TMBIM1: variants seen among roughly 807,000 people sequenced by gnomAD.
TMBIM1 encodes the protein protein lifeguard 3.
A neutral mutation model predicts 45.1 loss-of-function variants in TMBIM1; 34 were observed. That is an observed-to-expected ratio of 0.75 (90% CI 0.57 to 1.00). The LOEUF (loss-of-function observed/expected upper bound fraction) is 1.00, where lower values mean the gene tolerates loss of function less well. Ranked by LOEUF, TMBIM1 falls within the 50% of genes least tolerant of loss-of-function variation. The probability of loss-of-function intolerance (pLI) is 0.00; values close to 1 mark genes in which losing one functional copy is unlikely to be tolerated. For synonymous variants in TMBIM1, 157 were observed against 153.5 expected, an observed-to-expected ratio of 1.02 and a Z score of -0.17; for missense variants, 374 against 402.4, an observed-to-expected ratio of 0.93 and a Z score of 0.60.
intron 1 of TMBIM1, chr2:218,287,181 G>A (rs1692589472): frequency 6.6e-6 from 1 of 152,146 alleles, no homozygotes; most frequent in Non-Finnish European, 1.5e-5. Flanking sequence ...TAAAATATCA[G>A]AGCTGGCTTA....
intron 4 of TMBIM1, 67 bp downstream of exon 4, chr2:218,279,222 A>C (rs113859978): frequency 8.4e-6 from 13 of 1,556,016 alleles, no homozygotes; most frequent in African/African-American, 4.1e-5. Flanking sequence ...ACCGCCACCC[A>C]CACCCCCAGC....
rs746952375 is a variant in TMBIM1 at position 218,275,516 on chromosome 2, T to C, written c.895A>G (p.Ile299Val). Residue 299 changes from isoleucine to valine, a missense_variant, in exon 12 of 12, where the codon ATC becomes GTC. By Grantham distance (29) the Ile-to-Val change is conservative. Coordinates refer to ENST00000258412, the MANE Select transcript of TMBIM1 (RefSeq NM_022152.6). ...ATCAGCTGCAGCACAAAGGTGAAGA[T>C]GTAGATGATGTCTGTGTAAATCTGC... is the stretch of plus-strand genomic sequence containing the variant. ...ALQIYTDIIY[I>V]FTFVLQLMGD... is the part of the protein sequence containing the mutation. 6.2e-7 allele frequency: 1 copy of C among 1,614,110 alleles called. No individual in the cohort carries two copies. Among genetic ancestry groups the C allele is most frequent in the South Asian group, 1.1e-5 (1 of 91,074 alleles).
In TMBIM1 at chr2:218,277,085, C is replaced by A; in HGVS notation, c.654G>T (p.Ser218=). 1.9e-6 allele frequency: 3 copies of A among 1,614,104 alleles called. No individual in the cohort carries two copies. Among genetic ancestry groups the A allele is most frequent in the Non-Finnish European group, 2.5e-6 (3 of 1,180,002 alleles). Residue 218 remains serine, a synonymous_variant, in exon 10 of 12, where the codon TCG becomes TCT. Transcript: ENST00000258412. The stretch of plus-strand genomic sequence containing the variant: ...CCAGGACACAGAAGAGGCCTGTGCA[C>A]GAGGTGAAGTCCACCTGCCAGGAAG... ...FCFQTKVDFT[S]CTGLFCVLGI... is the part of the protein sequence containing the mutation.
chr2:218,278,822 C>T (rs539709794), intron 5 of TMBIM1, among the ~76,000 whole-genome samples: 54 of 152,336 alleles, frequency 3.5e-4, no homozygotes, highest in African/African-American at 1.0e-3. Context: ...GCAGCGTGCA[C>T]GCCACCACCA....
chr2:218,276,564 C>T (rs1691232265), intron 10 of TMBIM1, among the ~76,000 whole-genome samples: 1 of 152,198 alleles, frequency 6.6e-6, no homozygotes, highest in African/African-American at 2.4e-5. Flanking sequence ...GGCAGGCAGC[C>T]CTCGTGTCCC....
rs772811571 is a variant in TMBIM1, at chr2:218,277,926, T to A, written c.513+9A>T. On this transcript the variant is annotated intron_variant, in intron 7 of 11. Transcript: ENST00000258412. ...TCTCCACACCCTCCTGCCACCCTTCTAGACTTACAAAAAGGGTCAGCAGAA... is the reference window on the plus strand; with the variant it reads ...TCTCCACACCCTCCTGCCACCCTTCAAGACTTACAAAAAGGGTCAGCAGAA... 1 of 1,614,140 alleles carries A rather than the reference T, an allele frequency of 6.2e-7. No individual in the cohort carries two copies. Among genetic ancestry groups the A allele is most frequent in the South Asian group, 1.1e-5 (1 of 91,070 alleles).
Position 218,292,185 on chromosome 2 carries a change from ACCCTGGCTCCGCTCACCAGTG to A in TMBIM1, c.-41+260_-41+280del, listed in dbSNP as rs1331126487. ...AGAGGGAACACGAGGACACCCCCAG[ACCCTGGCTCCGCTCACCAGTG>A]CCCACAACACGCTGCTGGGCTCCCA... is the stretch of plus-strand genomic sequence containing the variant. On this transcript the variant is annotated intron_variant, in intron 1 of 11. Coordinates refer to ENST00000258412, the MANE Select transcript of TMBIM1 (RefSeq NM_022152.6). Among the ~76,000 whole-genome samples the A allele has an allele frequency of 2.0e-5, 3 of 152,206 alleles. No individual in the cohort carries two copies. In the East Asian group the frequency reaches 5.8e-4, roughly 29 times the overall value.
At chr2:218,282,771 G>A (rs997039027) in intron 1 of TMBIM1, among the ~76,000 whole-genome samples, 8 of 152,218 alleles carry the variant, frequency 5.3e-5, no homozygotes, top group Middle Eastern at 3.2e-3. Flanking sequence ...CCAGGGACCC[G>A]GGGGCCAGTG....
intron 1 of TMBIM1, among the ~76,000 whole-genome samples, chr2:218,287,492 G>C (rs963862082): frequency 6.6e-6 from 1 of 152,074 alleles, no homozygotes; most frequent in Admixed American, 6.5e-5. Context: ...GGTGGATCAC[G>C]AGGTCAGGAG....
At chr2:218,281,614 C>T (rs1410353127) in intron 2 of TMBIM1, among the ~76,000 whole-genome samples, 1 of 152,174 alleles carries the variant, frequency 6.6e-6, no homozygotes, top group African/African-American at 2.4e-5. Flanking sequence ...GCTTGTTGGC[C>T]GCTTGTTGGG....
Position 218,275,303 on chromosome 2 carries a change from G to A in TMBIM1, c.*172C>T. ...TCCCTAGCTCCTCCGTCCCCACCAA[G>A]TACCCACACATCCATAGCCAGAGAG... On this transcript the variant is annotated 3_prime_UTR_variant, in exon 12 of 12. Transcript: ENST00000258412. 2 of 787,424 alleles carry A rather than the reference G, an allele frequency of 2.5e-6. No individual in the cohort carries two copies. The highest frequency in any genetic ancestry group is 1.9e-6 in the Non-Finnish European group (1 of 539,376). The allele number at this position is 787,424 out of a possible 1,614,324, so 48.8% of individuals were successfully genotyped here. A position where few individuals can be genotyped will look rare whatever the true frequency, so the allele number is the denominator to read the frequency against.
Position 218,282,185 on chromosome 2 carries a change from A to C in TMBIM1, c.-40-4T>G. The C allele has an allele frequency of 7.1e-7, 1 of 1,405,986 alleles. No individual in the cohort carries two copies. The allele number at this position is 1,405,986 out of a possible 1,614,324, so 87.1% of individuals were successfully genotyped here. A position where few individuals can be genotyped will look rare whatever the true frequency, so the allele number is the denominator to read the frequency against. On this transcript the variant is annotated splice_region_variant and splice_polypyrimidine_tract_variant and intron_variant, in intron 1 of 11. Coordinates refer to ENST00000258412, the MANE Select transcript of TMBIM1 (RefSeq NM_022152.6). Reference sequence around the variant, plus strand: ...GGGGAACCCCAGCTGCTGGGACCTGAAATGGGAGAGGAGAAAAGCAATCGT... The same window carrying C: ...GGGGAACCCCAGCTGCTGGGACCTGCAATGGGAGAGGAGAAAAGCAATCGT...
chr2:218,291,353 C>T (rs374446639), intron 1 of TMBIM1, among the ~76,000 whole-genome samples: 197 of 152,272 alleles, frequency 1.3e-3, no homozygotes, highest in Middle Eastern at 0.01. Context: ...TCCCCCTTTG[C>T]GCCAATAAAG....
chr2:218,288,553 A>C (rs1692709290), intron 1 of TMBIM1, among the ~76,000 whole-genome samples: 1 of 152,180 alleles, frequency 6.6e-6, no homozygotes, highest in African/African-American at 2.4e-5. Flanking sequence ...CAAAATCCAA[A>C]ATGCTCCACA....
intron 1 of TMBIM1, among the ~76,000 whole-genome samples, chr2:218,287,466 T>C (rs1031057214): frequency 1.3e-5 from 2 of 152,020 alleles, no homozygotes; most frequent in Non-Finnish European, 2.9e-5. Context: ...TCCCAGCACT[T>C]TGGGAGGCCG....
intron 2 of TMBIM1, chr2:218,280,520 T>C: frequency 3.8e-6 from 1 of 264,708 alleles, no homozygotes; most frequent in South Asian, 3.9e-5. Flanking sequence ...AGAGCGCAGT[T>C]TGTGCAGCAG....
intron 9 of TMBIM1, 31 bp downstream of exon 9, chr2:218,277,335 G>A (rs763639182): frequency 7.5e-6 from 12 of 1,598,768 alleles, no homozygotes; most frequent in Non-Finnish European, 1.0e-5. Context: ...GGGGAGTCGG[G>A]GGGCCAGGGA....
At chr2:218,281,505 C>CT (rs1365395184) in intron 2 of TMBIM1, among the ~76,000 whole-genome samples, 1 of 152,228 alleles carries the variant, frequency 6.6e-6, no homozygotes, top group Non-Finnish European at 1.5e-5. Context: ...CTCCAAATGT[C>CT]TTTTGCAAAA....
intron 1 of TMBIM1, chr2:218,290,106 G>C (rs1188180528): frequency 6.6e-6 from 1 of 152,160 alleles, no homozygotes; most frequent in East Asian, 1.9e-4. Flanking sequence ...CACCTAGCCA[G>C]GCATTTCCCA....
Sources: gnomAD v4.1 joint callset for allele counts (sites outside exome capture counted in the v4.1 genomes callset) on GRCh38, gnomAD v4.1.1 for gene constraint, MANE v1.5 for transcripts, NCBI Gene and HGNC (gene_info 2026-07-23, HGNC 2026-07-21) for gene names.